TSPAN18: variants seen among roughly 807,000 people sequenced by gnomAD.
TSPAN18 encodes the protein tetraspanin-18.
In TSPAN18, 14 loss-of-function variants were observed where a neutral mutation model predicts 27.3. The observed-to-expected ratio is 0.51, with a 90% CI of 0.34 to 0.80. TSPAN18 has a LOEUF of 0.80. TSPAN18 is among the 30% of genes least tolerant of loss of function. The pLI, the probability that TSPAN18 is intolerant of heterozygous loss-of-function variation, is 0.01. For synonymous variants in TSPAN18, 143 were observed against 136.5 expected, an observed-to-expected ratio of 1.05 and a Z score of -0.33; for missense variants, 268 against 323.9, an observed-to-expected ratio of 0.83 and a Z score of 1.32.
At position 44,931,225 on chromosome 11, in the gene TSPAN18, G is replaced by A. The variant is rs981854390; in HGVS notation, c.*2047G>A. On this transcript the variant is annotated 3_prime_UTR_variant, in exon 10 of 10. Coordinates refer to ENST00000520358, the MANE Select transcript of TSPAN18 (RefSeq NM_130783.5). ...CCCAGGGGGACCTGCCACTGGTACC[G>A]CGGCCCAGCCTGGGGCCTGGGGGCT... 2.0e-5 allele frequency: 6 copies of A among 304,936 alleles called. No homozygotes were observed. The highest frequency in any genetic ancestry group is 9.2e-5 in the East Asian group (1 of 10,874). The allele number at this position is 304,936 out of a possible 1,614,324, so 18.9% of individuals were successfully genotyped here. A position where few individuals can be genotyped will look rare whatever the true frequency, so the allele number is the denominator to read the frequency against.
chr11:44,851,749 C>A (rs1440921265), intron 2 of TSPAN18, among the ~76,000 whole-genome samples: 2 of 152,128 alleles, frequency 1.3e-5, no homozygotes, highest in East Asian at 3.9e-4. Flanking sequence ...TTGGCTGTGT[C>A]CTCTGCTTAG....
chr11:44,838,713 A>C (rs149917471), intron 2 of TSPAN18, among the ~76,000 whole-genome samples: 87 of 152,340 alleles, frequency 5.7e-4, no homozygotes, highest in African/African-American at 2.0e-3. Context: ...GGCAACCTCT[A>C]GAATCTAGAA....
At chr11:44,738,842 C>T (rs369246417) in intron 1 of TSPAN18, among the ~76,000 whole-genome samples, 1 of 152,284 alleles carries the variant, frequency 6.6e-6, no homozygotes, top group East Asian at 1.9e-4. Context: ...TACTCTATCC[C>T]CATTTTATGG....
At chr11:44,889,561 T>C (rs1485489595) in intron 3 of TSPAN18, among the ~76,000 whole-genome samples, 3 of 152,138 alleles carry the variant, frequency 2.0e-5, no homozygotes, top group Admixed American at 6.5e-5. Context: ...TTGGGCTGCC[T>C]AGAAGAGGAG....
At chr11:44,767,552 T>A (rs1398571239) in intron 2 of TSPAN18, among the ~76,000 whole-genome samples, 1 of 152,206 alleles carries the variant, frequency 6.6e-6, no homozygotes, top group African/African-American at 2.4e-5. Flanking sequence ...TGTTTTTATC[T>A]CCCCTGCCCA....
At chr11:44,904,499 A>G (rs1306103073) in intron 3 of TSPAN18, among the ~76,000 whole-genome samples, 1 of 152,230 alleles carries the variant, frequency 6.6e-6, no homozygotes, top group African/African-American at 2.4e-5. Context: ...CTTGGCAGAA[A>G]CAACGAGAGG....
At chr11:44,824,462 T>C (rs1856993011) in intron 2 of TSPAN18, among the ~76,000 whole-genome samples, 1 of 152,128 alleles carries the variant, frequency 6.6e-6, no homozygotes, top group Non-Finnish European at 1.5e-5. Flanking sequence ...ACTGGGAAAG[T>C]TCAGAAAGGA....
At position 44,764,524 on chromosome 11, in the gene TSPAN18, C is replaced by T. The variant is rs768388515; in HGVS notation, c.-153+12C>T. The T allele has an allele frequency of 1.3e-5, 2 of 152,376 alleles. No homozygotes were observed. Among genetic ancestry groups the T allele is most frequent in the Non-Finnish European group, 1.5e-5 (1 of 68,076 alleles). The allele number at this position is 152,376 out of a possible 1,614,324, so 9.4% of individuals were successfully genotyped here. ...ACCAGTGGAAAGAGGTATGATGTGG[C>T]AACATGGCAGGGTGGCATCTTCACT... On this transcript the variant is annotated intron_variant, in intron 2 of 9. Transcript: ENST00000520358.
intron 2 of TSPAN18, among the ~76,000 whole-genome samples, chr11:44,796,945 G>A (rs1288335460): frequency 6.6e-6 from 1 of 152,138 alleles, no homozygotes; most frequent in African/African-American, 2.4e-5. Context: ...GGTTTCCTAT[G>A]GTATTGGCTT....
At chr11:44,897,328 G>T (rs1195468837) in intron 3 of TSPAN18, among the ~76,000 whole-genome samples, 1 of 152,172 alleles carries the variant, frequency 6.6e-6, no homozygotes, top group African/African-American at 2.4e-5. Context: ...GGTTTTGGGG[G>T]AGGAAGTTGA....
chr11:44,784,514 G>A (rs1476543729), intron 2 of TSPAN18, among the ~76,000 whole-genome samples: 2 of 152,182 alleles, frequency 1.3e-5, no homozygotes, highest in East Asian at 1.9e-4. Flanking sequence ...GTTGGACTCC[G>A]TGCTCTAACC....
At chr11:44,803,345 G>C (rs887272302) in intron 2 of TSPAN18, among the ~76,000 whole-genome samples, 3 of 152,102 alleles carry the variant, frequency 2.0e-5, no homozygotes, top group Admixed American at 6.5e-5. Context: ...GGGTTGGGGG[G>C]GCATTTTTTC....
chr11:44,896,214 C>T (rs185489938), intron 3 of TSPAN18, among the ~76,000 whole-genome samples: 3 of 152,126 alleles, frequency 2.0e-5, no homozygotes, highest in African/African-American at 4.8e-5. Flanking sequence ...TAGCCTGCCT[C>T]GTGGGCTATT....
chr11:44,783,399 CTTT>C (rs575307346), intron 2 of TSPAN18, among the ~76,000 whole-genome samples: 3 of 142,084 alleles, frequency 2.1e-5, no homozygotes, highest in Admixed American at 7.0e-5. Context: ...TCTTTCTTTT[CTTT>C]TTTTTTTTTT....
intron 2 of TSPAN18, among the ~76,000 whole-genome samples, chr11:44,830,661 C>T (rs866460009): frequency 6.6e-6 from 1 of 152,172 alleles, no homozygotes; most frequent in South Asian, 2.1e-4. Context: ...TCCCACAGGG[C>T]CAGGCACCTA....
chr11:44,788,456 CTTTT>C (rs11458938), intron 2 of TSPAN18, among the ~76,000 whole-genome samples: 45 of 126,764 alleles, frequency 3.5e-4, no homozygotes, highest in Admixed American at 5.8e-4. Flanking sequence ...CTTTTTTTCT[CTTTT>C]TTTTTTTTTT....
intron 3 of TSPAN18, among the ~76,000 whole-genome samples, chr11:44,894,261 A>G (rs986313757): frequency 2.0e-5 from 3 of 152,208 alleles, no homozygotes; most frequent in Non-Finnish European, 4.4e-5. Flanking sequence ...TGGCTGGCAC[A>G]GGCAGATCCC....
chr11:44,806,826 C>G (rs780379728), intron 2 of TSPAN18, among the ~76,000 whole-genome samples: 2 of 152,122 alleles, frequency 1.3e-5, no homozygotes, highest in Non-Finnish European at 2.9e-5. Context: ...CCTTCAACAC[C>G]TCCAGAGCAG....
intron 2 of TSPAN18, among the ~76,000 whole-genome samples, chr11:44,807,476 C>A: frequency 7.5e-6 from 1 of 133,952 alleles, no homozygotes. Flanking sequence ...TACAGTGAGC[C>A]GAGATTGCAC....
Sources: gnomAD v4.1 joint callset for allele counts (sites outside exome capture counted in the v4.1 genomes callset) on GRCh38, gnomAD v4.1.1 for gene constraint, MANE v1.5 for transcripts, NCBI Gene and HGNC (gene_info 2026-07-23, HGNC 2026-07-21) for gene names.